The following ERBB4 variants were observed in gnomAD, a reference collection of about 807,000 sequenced individuals.
The protein encoded by ERBB4 is receptor tyrosine-protein kinase erbB-4.
ERBB4 carries 42 observed loss-of-function variants against 158.0 expected under a neutral mutation model. The observed-to-expected ratio is 0.27, with a 90% CI of 0.21 to 0.34. ERBB4 has a LOEUF of 0.34. Ranked by LOEUF, ERBB4 falls within the 10% of genes least tolerant of loss-of-function variation. The pLI, the probability that ERBB4 is intolerant of heterozygous loss-of-function variation, is 1.00. For missense variants in ERBB4, 1,333 were observed against 1,624.1 expected, an observed-to-expected ratio of 0.82 and a Z score of 3.08; for synonymous variants, 583 against 558.7, an observed-to-expected ratio of 1.04 and a Z score of -0.61.
intron 2 of ERBB4, among the ~76,000 whole-genome samples, chr2:212,042,512 C>A (rs1302805696): frequency 6.6e-6 from 1 of 152,036 alleles, no homozygotes; most frequent in African/African-American, 2.4e-5. Flanking sequence ...TGAAAGCAAC[C>A]AGGTGCTTTC....
intron 20 of ERBB4, among the ~76,000 whole-genome samples, chr2:211,495,804 T>A (rs1367319496): frequency 2.0e-5 from 3 of 152,020 alleles, no homozygotes; most frequent in African/African-American, 7.2e-5. Context: ...CCAGAACAGA[T>A]TTTAATTAAT....
chr2:211,977,802 T>C (rs1353432759), intron 2 of ERBB4, among the ~76,000 whole-genome samples: 1 of 146,804 alleles, frequency 6.8e-6, no homozygotes, highest in East Asian at 2.0e-4. Context: ...CACTGAGCCA[T>C]TGCAACCAGC....
intron 1 of ERBB4, among the ~76,000 whole-genome samples, chr2:212,423,211 T>G (rs1304938558): frequency 1.3e-5 from 2 of 152,038 alleles, no homozygotes; most frequent in Admixed American, 6.6e-5. Flanking sequence ...TTCAGAATGA[T>G]CAGCATACAT....
intron 3 of ERBB4, among the ~76,000 whole-genome samples, chr2:211,881,601 TC>T (rs1434147656): frequency 3.7e-4 from 14 of 37,482 alleles, no homozygotes; most frequent in Admixed American, 1.3e-3. Context: ...GGGGTGGGGG[TC>T]GGGGGGGCTG....
intron 1 of ERBB4, among the ~76,000 whole-genome samples, chr2:212,285,188 A>G (rs1411059235): frequency 1.3e-5 from 2 of 152,166 alleles, no homozygotes; most frequent in Non-Finnish European, 2.9e-5. Flanking sequence ...GCCAAAACAG[A>G]GATAATCATT....
chr2:212,306,556 G>A (rs1206848950), intron 1 of ERBB4, among the ~76,000 whole-genome samples: 1 of 151,354 alleles, frequency 6.6e-6, no homozygotes, highest in Non-Finnish European at 1.5e-5. Context: ...CATGTTAATA[G>A]TGAAATAAAT....
chr2:211,996,987 T>A (rs965476538), intron 2 of ERBB4, among the ~76,000 whole-genome samples: 2 of 152,154 alleles, frequency 1.3e-5, no homozygotes, highest in Non-Finnish European at 2.9e-5. Flanking sequence ...GGACTAAAGG[T>A]TTGTGATACC....
intron 3 of ERBB4, among the ~76,000 whole-genome samples, chr2:211,888,707 C>A (rs11890789): frequency 1.3e-5 from 2 of 152,038 alleles, no homozygotes; most frequent in African/African-American, 2.4e-5. Flanking sequence ...GTGCGCGAGC[C>A]GAAGCAGGGC....
intron 2 of ERBB4, among the ~76,000 whole-genome samples, chr2:212,028,464 C>T (rs541591511): frequency 1.3e-5 from 2 of 152,192 alleles, no homozygotes; most frequent in East Asian, 3.9e-4. Context: ...TTCAGAAAGA[C>T]AAATTTTCTC....
chr2:211,515,913 T>TATATATATATATATATACA (rs71054105), intron 20 of ERBB4, among the ~76,000 whole-genome samples: 1 of 57,406 alleles, frequency 1.7e-5, no homozygotes, highest in East Asian at 3.6e-4. Flanking sequence ...TATATATATA[T>TATATATATATATATATACA]TTTTTTTTTT....
At chr2:212,181,767 C>A (rs1303917617) in intron 1 of ERBB4, among the ~76,000 whole-genome samples, 2 of 151,682 alleles carry the variant, frequency 1.3e-5, no homozygotes, top group Admixed American at 6.6e-5. Context: ...ACAAGAGACC[C>A]AATTTCCAAT....
chr2:212,255,572 T>G (rs2084698332), intron 1 of ERBB4, among the ~76,000 whole-genome samples: 1 of 152,192 alleles, frequency 6.6e-6, no homozygotes, highest in Non-Finnish European at 1.5e-5. Context: ...TGGAAGTACT[T>G]CAGAGCTTCA....
chr2:212,320,290 G>A (rs1009755647), intron 1 of ERBB4, among the ~76,000 whole-genome samples: 1 of 148,746 alleles, frequency 6.7e-6, no homozygotes, highest in African/African-American at 2.5e-5. Flanking sequence ...ACTTTCTTAG[G>A]GGAATGAAAT....
intron 1 of ERBB4, among the ~76,000 whole-genome samples, chr2:212,441,097 C>T (rs1409720186): frequency 6.6e-6 from 1 of 152,094 alleles, no homozygotes; most frequent in Non-Finnish European, 1.5e-5. Flanking sequence ...AAAGTGAGGG[C>T]ATTGATTGGA....
At chr2:212,323,421 G>T (rs1468568943) in intron 1 of ERBB4, among the ~76,000 whole-genome samples, 2 of 150,466 alleles carry the variant, frequency 1.3e-5, no homozygotes, top group Admixed American at 6.6e-5. Context: ...GTTAGGAAAG[G>T]TAGTGTGGGG....
At chr2:211,477,209 A>T (rs1320943222) in intron 20 of ERBB4, among the ~76,000 whole-genome samples, 1 of 151,414 alleles carries the variant, frequency 6.6e-6, no homozygotes, top group African/African-American at 2.4e-5. Context: ...TTGAACTGCA[A>T]CTCTTCCCTT....
chr2:212,465,887 A>C (rs765082451), intron 1 of ERBB4, among the ~76,000 whole-genome samples: 20 of 152,224 alleles, frequency 1.3e-4, no homozygotes, highest in Admixed American at 2.6e-4. Flanking sequence ...AAATAGAAGA[A>C]ATACTTGAAG....
intron 2 of ERBB4, among the ~76,000 whole-genome samples, chr2:212,052,597 C>T (rs946244441): frequency 6.6e-6 from 1 of 152,126 alleles, no homozygotes; most frequent in South Asian, 2.1e-4. Context: ...CCCAGTTGTC[C>T]AATAGAAATG....
At chr2:211,556,201 A>G (rs2067233655) in intron 20 of ERBB4, among the ~76,000 whole-genome samples, 2 of 152,268 alleles carry the variant, frequency 1.3e-5, no homozygotes, top group Admixed American at 1.3e-4. Flanking sequence ...GGGGCATTAC[A>G]TAATGGTAAA....
Sources: gnomAD v4.1 joint callset for allele counts (sites outside exome capture counted in the v4.1 genomes callset) on GRCh38, gnomAD v4.1.1 for gene constraint, MANE v1.5 for transcripts, NCBI Gene and HGNC (gene_info 2026-07-23, HGNC 2026-07-21) for gene names.